The following CAMTA1 variants were observed in gnomAD, a reference collection of about 807,000 sequenced individuals.
CAMTA1 encodes the protein calmodulin-binding transcription activator 1.
A neutral mutation model predicts 170.9 loss-of-function variants in CAMTA1; 27 were observed. The ratio of observed to expected loss-of-function variants is 0.16; its 90% CI spans 0.12 to 0.22. The LOEUF (loss-of-function observed/expected upper bound fraction) is 0.22, where lower values mean the gene tolerates loss of function less well. Among genes scored for constraint, CAMTA1 ranks in the 10% least tolerant of loss-of-function variants. The pLI is 1.00. For missense variants in CAMTA1, 1,619 were observed against 2,217.2 expected (o/e 0.73, Z 5.42); for synonymous variants, 833 against 891.5 (o/e 0.93, Z 1.17).
chr1:7,152,066 C>G (rs1053118691), intron 4 of CAMTA1, among the ~76,000 whole-genome samples: 11 of 152,136 alleles, frequency 7.2e-5, no homozygotes, highest in African/African-American at 2.7e-4. Flanking sequence ...GGTTGAGGAT[C>G]ACAGCAATAA....
rs1352535085 is a variant in CAMTA1 at position 7,173,370 on chromosome 1, G to T, written c.303-76121G>T. On this transcript the variant is annotated intron_variant, in intron 4 of 22. Coordinates refer to ENST00000303635, the MANE Select transcript of CAMTA1 (RefSeq NM_015215.4). The surrounding 1 kb of genome is among the most constrained non-coding windows in gnomAD (Gnocchi z 5.4). ...CTGGCTCCCTTCTTAAATTTTTGTG[G>T]AACTGTGGGAACACACAGTTTAATT... Among the ~76,000 whole-genome samples the T allele has an allele frequency of 6.6e-6, 1 of 152,152 alleles. No homozygotes were observed. Among genetic ancestry groups the T allele is most frequent in the Non-Finnish European group, 1.5e-5 (1 of 68,036 alleles).
chr1:7,644,076 G>A (rs561055784), intron 7 of CAMTA1, among the ~76,000 whole-genome samples: 3 of 152,282 alleles, frequency 2.0e-5, no homozygotes, highest in Non-Finnish European at 2.9e-5. Flanking sequence ...TTCCCTGCCC[G>A]CCAGCGGAGT....
intron 6 of CAMTA1, among the ~76,000 whole-genome samples, chr1:7,544,693 G>C (rs1257694187): frequency 6.6e-6 from 1 of 152,216 alleles, no homozygotes; most frequent in Non-Finnish European, 1.5e-5. Flanking sequence ...CTTGGCACAG[G>C]ATTCTGGCAG....
chr1:7,653,548 CT>C (rs1281435129), intron 7 of CAMTA1, among the ~76,000 whole-genome samples: 1 of 152,234 alleles, frequency 6.6e-6, no homozygotes, highest in Non-Finnish European at 1.5e-5. Flanking sequence ...GCCACCACAC[CT>C]GGCCTTGTTC....
intron 5 of CAMTA1, among the ~76,000 whole-genome samples, chr1:7,431,510 C>T (rs1181492636): frequency 6.6e-6 from 1 of 151,860 alleles, no homozygotes; most frequent in Non-Finnish European, 1.5e-5. Flanking sequence ...GAAGAGCGTC[C>T]TGCCATAGAC....
intron 22 of CAMTA1, among the ~76,000 whole-genome samples, chr1:7,758,107 A>G (rs1290983553): frequency 2.6e-5 from 4 of 152,218 alleles, no homozygotes; most frequent in African/African-American, 9.7e-5. Flanking sequence ...GTTCAGTTCA[A>G]CTACAACTTG....
chr1:6,902,740 A>C (rs1677406971), intron 3 of CAMTA1, among the ~76,000 whole-genome samples: 1 of 152,218 alleles, frequency 6.6e-6, no homozygotes, highest in Non-Finnish European at 1.5e-5. Flanking sequence ...ACGTCAGGGA[A>C]ATACAAGTTA....
rs1557492162 is a variant in CAMTA1, at chr1:7,310,729, TC to T, written c.438+61104del. ...TTCTTTCTTTCTTTCTTTCTTTCTT[TC>T]TTTCTTTCTTTCTTTTTTTTAAGAC... On this transcript the variant is annotated intron_variant, in intron 5 of 22. Coordinates refer to ENST00000303635, the MANE Select transcript of CAMTA1 (RefSeq NM_015215.4). Among the ~76,000 whole-genome samples the T allele has an allele frequency of 5.1e-3, 487 of 95,050 alleles. 41 individuals are homozygous for T. Among genetic ancestry groups the T allele is most frequent in the East Asian group, 0.011 (38 of 3,608 alleles). 62.4% of individuals were successfully genotyped at this position (95,050 alleles called of 152,430 possible).
chr1:6,983,758 G>A (rs1455063644), intron 3 of CAMTA1, among the ~76,000 whole-genome samples: 1 of 151,256 alleles, frequency 6.6e-6, no homozygotes, highest in Non-Finnish European at 1.5e-5. Context: ...AGAGGGTTGG[G>A]TGGGTAGATG....
At chr1:7,228,666 C>T (rs566065479) in intron 4 of CAMTA1, among the ~76,000 whole-genome samples, 3 of 152,296 alleles carry the variant, frequency 2.0e-5, no homozygotes, top group Non-Finnish European at 2.9e-5. Context: ...ACAGGGGCCT[C>T]GGACCGGGGA....
intron 5 of CAMTA1, among the ~76,000 whole-genome samples, chr1:7,378,018 A>G (rs960596657): frequency 1.3e-5 from 2 of 152,238 alleles, no homozygotes; most frequent in Non-Finnish European, 2.9e-5. Flanking sequence ...GGCGGAATCA[A>G]GAAGGCGCCA....
chr1:7,460,393 C>T (rs76623949), intron 5 of CAMTA1, among the ~76,000 whole-genome samples: 3 of 152,286 alleles, frequency 2.0e-5, no homozygotes, highest in East Asian at 3.9e-4. Flanking sequence ...GATTTGGTCT[C>T]GTGTGTTTGC....
At chr1:7,218,183 A>G (rs894338676) in intron 4 of CAMTA1, among the ~76,000 whole-genome samples, 1 of 152,204 alleles carries the variant, frequency 6.6e-6, no homozygotes, top group Non-Finnish European at 1.5e-5. Flanking sequence ...TTGCCCTTAT[A>G]GTAAGTTATT....
intron 6 of CAMTA1, among the ~76,000 whole-genome samples, chr1:7,513,956 C>T (rs577455541): frequency 7.2e-5 from 11 of 152,042 alleles, no homozygotes; most frequent in Non-Finnish European, 1.6e-4. Flanking sequence ...CATACACACA[C>T]ACACACATAC....
intron 5 of CAMTA1, among the ~76,000 whole-genome samples, chr1:7,279,436 G>A (rs930667021): frequency 7.2e-5 from 11 of 152,114 alleles, no homozygotes; most frequent in East Asian, 1.9e-4. Flanking sequence ...CAGATGGCCC[G>A]GGTCTTGGAG....
chr1:7,108,187 C>T (rs1643794226), intron 4 of CAMTA1, among the ~76,000 whole-genome samples: 1 of 152,130 alleles, frequency 6.6e-6, no homozygotes, highest in Non-Finnish European at 1.5e-5. Flanking sequence ...ATAATTCCTA[C>T]CGAAGCGCTT....
chr1:7,197,866 T>G (rs1655858929), intron 4 of CAMTA1, among the ~76,000 whole-genome samples: 2 of 151,792 alleles, frequency 1.3e-5, no homozygotes, highest in Admixed American at 6.6e-5. Context: ...ACTGGAACAT[T>G]CCAATCAACA....
intron 6 of CAMTA1, among the ~76,000 whole-genome samples, chr1:7,621,279 G>T (rs1331298074): frequency 6.6e-6 from 1 of 152,240 alleles, no homozygotes; most frequent in Non-Finnish European, 1.5e-5. Context: ...CCCATGGTGG[G>T]TGCTGGAGAG....
At chr1:7,437,430 C>G (rs1169307719) in intron 5 of CAMTA1, among the ~76,000 whole-genome samples, 13 of 152,170 alleles carry the variant, frequency 8.5e-5, no homozygotes. Context: ...CTCATCTGAG[C>G]TCTGCCCTCA....
Sources: gnomAD v4.1 joint callset for allele counts (sites outside exome capture counted in the v4.1 genomes callset) on GRCh38, gnomAD v4.1.1 for gene constraint, Gnocchi (gnomAD v3.1) non-coding constraint, MANE v1.5 for transcripts, NCBI Gene and HGNC (gene_info 2026-07-23, HGNC 2026-07-21) for gene names.